The following TPO variants were observed in gnomAD, a reference collection of about 807,000 sequenced individuals.
The protein encoded by TPO is thyroid peroxidase.
A neutral mutation model predicts 96.9 loss-of-function variants in TPO; 78 were observed. That is an observed-to-expected ratio of 0.81 (90% CI 0.67 to 0.97). The LOEUF is 0.97. TPO is among the 50% of genes least tolerant of loss of function. TPO has a pLI of 0.00. For synonymous variants in TPO, 547 were observed against 538.0 expected (o/e 1.02, Z -0.23); for missense variants, 1,252 against 1,274.8 (o/e 0.98, Z 0.27).
chr2:1,388,341 G>A (rs1028395785), intron 1 of TPO, among the ~76,000 whole-genome samples: 6 of 152,194 alleles, frequency 3.9e-5, no homozygotes, highest in Non-Finnish European at 5.9e-5. Flanking sequence ...GCCTCCTTGA[G>A]CTGTGGTGGG....
chr2:1,537,405 AGCAACCTCCCCAAACCCTCCCATTGTGT>A (rs1680002347), intron 15 of TPO, among the ~76,000 whole-genome samples: 1 of 102,542 alleles, frequency 9.8e-6, no homozygotes, highest in Non-Finnish European at 2.0e-5. Flanking sequence ...CCCCACTGTG[AGCAACCTCCCCAAACCCTCCCATTGTGT>A]GCAAACTCCC....
intron 13 of TPO, among the ~76,000 whole-genome samples, chr2:1,502,296 A>C (rs1459006785): frequency 6.6e-6 from 1 of 152,194 alleles, no homozygotes; most frequent in Non-Finnish European, 1.5e-5. Flanking sequence ...TTACCTGTAC[A>C]TGAAACACTT....
At chr2:1,480,605 C>CACACACACACAT (rs74164518) in intron 8 of TPO, among the ~76,000 whole-genome samples, 1 of 139,254 alleles carries the variant, frequency 7.2e-6, no homozygotes, top group Non-Finnish European at 1.6e-5. Flanking sequence ...CACACACACA[C>CACACACACACAT]GAGCCAGCCA....
At chr2:1,463,657 C>A (rs1392331068) in intron 7 of TPO, among the ~76,000 whole-genome samples, 1 of 152,224 alleles carries the variant, frequency 6.6e-6, no homozygotes, top group Non-Finnish European at 1.5e-5. Flanking sequence ...GCAGCATCCT[C>A]TATTTTAGGA....
chr2:1,407,763 A>C (rs913428467), intron 1 of TPO, among the ~76,000 whole-genome samples: 1 of 150,174 alleles, frequency 6.7e-6, no homozygotes, highest in Non-Finnish European at 1.5e-5. Flanking sequence ...AAATTCACTA[A>C]AATAAGAACA....
At chr2:1,467,046 G>A (rs140254952) in intron 7 of TPO, among the ~76,000 whole-genome samples, 10,884 of 151,944 alleles carry the variant, frequency 0.072, 649 homozygotes, top group African/African-American at 0.16. Flanking sequence ...TCTTAGCACC[G>A]CCTTTGCTGT....
chr2:1,414,852 C>T (rs547102597), intron 2 of TPO, among the ~76,000 whole-genome samples: 1 of 152,294 alleles, frequency 6.6e-6, no homozygotes, highest in East Asian at 1.9e-4. Context: ...AATCAGTGTG[C>T]TACTATGTGA....
Position 1,436,306 on chromosome 2 carries a change from C to T in TPO, c.404C>T (p.Pro135Leu), listed in dbSNP as rs61758083. ...SIIANMSGCL[P>L]YMLPPKCPNT... ...ATTGCAAACATGTCTGGATGTCTCC[C>T]TTACATGCTGCCCCCAAAATGCCCA... is the stretch of plus-strand genomic sequence containing the variant. Residue 135 changes from proline (P) to leucine (L), a missense_variant, in exon 5 of 17, where the codon CCT (proline) becomes CTT (leucine). Physicochemically the swap from Pro to Leu is moderately conservative, Grantham distance 98 (BLOSUM62 -3). Coordinates refer to ENST00000329066, the MANE Select transcript of TPO (RefSeq NM_001206744.2). The T allele has an allele frequency of 6.2e-7, 1 of 1,614,228 alleles. No homozygotes were observed. The highest frequency in any genetic ancestry group is 1.7e-5 in the Admixed American group (1 of 60,032).
At position 1,436,260 on chromosome 2, in the gene TPO, T is replaced by C; in HGVS notation, c.358T>C (p.Ser120Pro). ...QQSQHPTDAL[S>P]EDLLSIIANM... Reference sequence around the variant, plus strand: ...TTTCCTATTTTTCACAGATGCTTTATCAGAAGATCTGCTGAGCATCATTGC... The same window carrying C: ...TTTCCTATTTTTCACAGATGCTTTACCAGAAGATCTGCTGAGCATCATTGC... The change falls in exon 5 of 17, where the codon TCA becomes CCA. Residue 120 changes from serine to proline, a missense_variant. By Grantham distance (74) the Ser-to-Pro change is moderately conservative. Coordinates refer to ENST00000329066, the MANE Select transcript of TPO (RefSeq NM_001206744.2). The C allele has an allele frequency of 1.9e-6, 3 of 1,614,228 alleles. No homozygotes were observed. Among genetic ancestry groups the C allele is most frequent in the Non-Finnish European group, 2.5e-6 (3 of 1,180,046 alleles).
chr2:1,396,935 G>C (rs1272130970), intron 1 of TPO, among the ~76,000 whole-genome samples: 1 of 152,184 alleles, frequency 6.6e-6, no homozygotes, highest in East Asian at 1.9e-4. Context: ...TGGACTCAAT[G>C]TTTCTATGGT....
intron 15 of TPO, among the ~76,000 whole-genome samples, chr2:1,523,080 G>GTGTGCAACCTCCCCAAATCCTGCGCACTC (rs1365834165): frequency 2.3e-4 from 30 of 127,736 alleles, no homozygotes; most frequent in South Asian, 1.0e-3. Context: ...TCCCGACACT[G>GTGTGCAACCTCCCCAAATCCTGCGCACTC]TGTGCAACCT....
At chr2:1,490,769 G>C (rs1671704158) in intron 10 of TPO, among the ~76,000 whole-genome samples, 1 of 152,194 alleles carries the variant, frequency 6.6e-6, no homozygotes, top group Admixed American at 6.5e-5. Context: ...TCAGATAAAA[G>C]AGAAACGCTC....
chr2:1,484,525 C>T, intron 8 of TPO, 71 bp from the exon 9 acceptor site: 1 of 1,604,690 alleles, frequency 6.2e-7, no homozygotes, highest in Non-Finnish European at 8.5e-7. Context: ...GATGCTCTTC[C>T]ACACTGCCGC....
intron 5 of TPO, among the ~76,000 whole-genome samples, chr2:1,447,980 C>T (rs2148557052): frequency 6.6e-6 from 1 of 152,302 alleles, no homozygotes; most frequent in South Asian, 2.1e-4. Context: ...CATCAGAACA[C>T]CTTGTTGGGG....
intron 1 of TPO, among the ~76,000 whole-genome samples, chr2:1,379,603 T>G (rs1453524454): frequency 6.6e-6 from 1 of 152,136 alleles, no homozygotes; most frequent in Non-Finnish European, 1.5e-5. Context: ...ATCTCGGGCC[T>G]TCTTGTAAAC....
chr2:1,498,454 T>G (rs1436937446), intron 13 of TPO, among the ~76,000 whole-genome samples: 2 of 152,246 alleles, frequency 1.3e-5, no homozygotes, highest in Admixed American at 6.5e-5. Context: ...AGGAGCTGCC[T>G]GGGCATGGAT....
intron 7 of TPO, among the ~76,000 whole-genome samples, chr2:1,465,357 G>C (rs1668803991): frequency 6.6e-6 from 1 of 152,102 alleles, no homozygotes. Context: ...TGTTCTTTCT[G>C]CTTAGTCTTG....
chr2:1,515,158 G>A (rs372043008), intron 14 of TPO, among the ~76,000 whole-genome samples: 1 of 152,156 alleles, frequency 6.6e-6, no homozygotes, highest in Non-Finnish European at 1.5e-5. Flanking sequence ...CCCAGGCCTC[G>A]ATCAGCTCAG....
chr2:1,495,854 G>T (rs1478316001), intron 11 of TPO, 135 bp from the exon 12 acceptor site: 2 of 976,190 alleles, frequency 2.0e-6, no homozygotes, highest in Non-Finnish European at 3.1e-6. Context: ...CACCTGTGTG[G>T]CCCCGGGTGC....
Sources: gnomAD v4.1 joint callset for allele counts (sites outside exome capture counted in the v4.1 genomes callset) on GRCh38, gnomAD v4.1.1 for gene constraint, MANE v1.5 for transcripts, NCBI Gene and HGNC (gene_info 2026-07-23, HGNC 2026-07-21) for gene names.